GALNT13: variants seen among roughly 807,000 people sequenced by gnomAD.
GALNT13 encodes UDP-GalNAc:polypeptide N-acetylgalactosaminyltransferase 13.
Under a neutral mutation model 64.2 loss-of-function variants are expected in GALNT13, and 28 were observed. That is an observed-to-expected ratio of 0.44 (90% CI 0.32 to 0.60). The LOEUF (loss-of-function observed/expected upper bound fraction) is 0.60. GALNT13 is among the 20% of genes least tolerant of loss of function. The pLI is 0.05. For missense variants in GALNT13, 577 were observed against 669.8 expected (o/e 0.86, Z 1.53); for synonymous variants, 214 against 224.6 (o/e 0.95, Z 0.42).
At chr2:153,660,438 C>T in the GALNT13 span, among the ~76,000 whole-genome samples, 1 of 151,780 alleles carries the variant, frequency 6.6e-6, no homozygotes, top group Non-Finnish European at 1.5e-5. Flanking sequence ...AAATTTTGAG[C>T]AAGGAACTGA....
intron 2 of GALNT13, among the ~76,000 whole-genome samples, chr2:153,923,100 A>G (rs372091621): frequency 5.3e-5 from 8 of 151,850 alleles, no homozygotes; most frequent in Admixed American, 3.3e-4. Flanking sequence ...GGGTTTCACT[A>G]TGTTCACCAG....
chr2:154,201,098 G>T (rs936384822), intron 4 of GALNT13, among the ~76,000 whole-genome samples: 2 of 152,060 alleles, frequency 1.3e-5, no homozygotes, highest in Non-Finnish European at 2.9e-5. Flanking sequence ...CTTTGTATTA[G>T]TTTGTAAGAG....
chr2:154,064,573 A>T (rs562714415), intron 3 of GALNT13, among the ~76,000 whole-genome samples: 1 of 152,216 alleles, frequency 6.6e-6, no homozygotes, highest in East Asian at 1.9e-4. Flanking sequence ...GGGCAGAGTC[A>T]TGATGGTCCC....
chr2:154,305,666 A>G (rs1322893242), intron 9 of GALNT13, among the ~76,000 whole-genome samples: 1 of 152,166 alleles, frequency 6.6e-6, no homozygotes, highest in African/African-American at 2.4e-5. Context: ...ACAATAACTT[A>G]CTTACTTTCA....
At chr2:154,437,496 C>T (rs1701038490) in intron 11 of GALNT13, 12 of 1,229,592 alleles carry the variant, frequency 9.8e-6, no homozygotes, top group Non-Finnish European at 2.1e-6. Flanking sequence ...AAGAAAAACC[C>T]ACAGAATACT....
intron 9 of GALNT13, among the ~76,000 whole-genome samples, chr2:154,385,811 TATG>T (rs1698487287): frequency 6.6e-6 from 1 of 152,004 alleles, no homozygotes; most frequent in Non-Finnish European, 1.5e-5. Context: ...TCTAAATTCT[TATG>T]ATACATGGGA....
At chr2:153,692,809 A>C in the GALNT13 span, among the ~76,000 whole-genome samples, 1 of 152,150 alleles carries the variant, frequency 6.6e-6, no homozygotes, top group Non-Finnish European at 1.5e-5. Context: ...TGTTATTTGA[A>C]AATGAACAGG....
chr2:154,446,254 A>C lies in GALNT13; in HGVS notation c.1531-4157A>C, dbSNP rs115200819. Reference sequence around the variant, plus strand: ...CGCAAATAACTCATCTGGTACTAAAAAGCATTGTATTACTAGGATGAAGGC... The same window carrying C: ...CGCAAATAACTCATCTGGTACTAAACAGCATTGTATTACTAGGATGAAGGC... On this transcript the variant is annotated intron_variant, in intron 12 of 12. Transcript: ENST00000392825. Among the ~76,000 whole-genome samples the C allele has an allele frequency of 9.5e-3, 1,445 of 152,196 alleles. 21 individuals carry two copies. The highest frequency in any genetic ancestry group is 0.033 in the African/African-American group (1,383 of 41,544).
At chr2:153,771,409 G>C in the GALNT13 span, among the ~76,000 whole-genome samples, 2 of 152,050 alleles carry the variant, frequency 1.3e-5, no homozygotes, top group Non-Finnish European at 2.9e-5. Context: ...CCTTTGCATG[G>C]GAAGGAAATG....
chr2:153,456,360 T>G, the GALNT13 span, among the ~76,000 whole-genome samples: 1 of 152,320 alleles, frequency 6.6e-6, no homozygotes, highest in East Asian at 1.9e-4. Flanking sequence ...AATGGGCCCT[T>G]TCTAGGCTTT....
intron 2 of GALNT13, among the ~76,000 whole-genome samples, chr2:153,919,629 T>A (rs1465850861): frequency 6.6e-6 from 1 of 151,930 alleles, no homozygotes; most frequent in East Asian, 1.9e-4. Flanking sequence ...TACTCAAAAA[T>A]TATTTGGGAA....
chr2:153,668,633 C>T, the GALNT13 span, among the ~76,000 whole-genome samples: 1 of 152,096 alleles, frequency 6.6e-6, no homozygotes, highest in South Asian at 2.1e-4. Context: ...GGGAACCAAG[C>T]ACAGGGCTAC....
chr2:154,380,098 A>C (rs1698196021), intron 9 of GALNT13, among the ~76,000 whole-genome samples: 1 of 152,226 alleles, frequency 6.6e-6, no homozygotes, highest in South Asian at 2.1e-4. Flanking sequence ...TTATAACTGA[A>C]CAAAAGGTAT....
chr2:153,539,565 T>C, the GALNT13 span, among the ~76,000 whole-genome samples: 1 of 151,966 alleles, frequency 6.6e-6, no homozygotes, highest in African/African-American at 2.4e-5. Context: ...GAATTGATTT[T>C]TGTATAAAGT....
the GALNT13 span, among the ~76,000 whole-genome samples, chr2:153,814,736 G>A: frequency 1.3e-5 from 2 of 152,134 alleles, no homozygotes; most frequent in South Asian, 4.1e-4. Context: ...TCATTATGAT[G>A]CTCCCTCCAG....
At chr2:154,449,001 G>GA (rs1316292824) in intron 12 of GALNT13, among the ~76,000 whole-genome samples, 2 of 151,820 alleles carry the variant, frequency 1.3e-5, no homozygotes. Flanking sequence ...GAACTGTCTA[G>GA]AAAAAATACA....
chr2:153,873,848 GTC>G (rs752475953), intron 1 of GALNT13, among the ~76,000 whole-genome samples: 4 of 150,750 alleles, frequency 2.7e-5, no homozygotes, highest in East Asian at 1.9e-4. Context: ...CTTTTTCTGT[GTC>G]TCTCTCTCTC....
chr2:154,084,775 A>G (rs1701444772), intron 3 of GALNT13, among the ~76,000 whole-genome samples: 1 of 151,946 alleles, frequency 6.6e-6, no homozygotes, highest in Non-Finnish European at 1.5e-5. Flanking sequence ...TAATTGCTCA[A>G]CATAGGCCAA....
chr2:153,500,343 GCT>G, the GALNT13 span, among the ~76,000 whole-genome samples: 1 of 152,148 alleles, frequency 6.6e-6, no homozygotes, highest in Non-Finnish European at 1.5e-5. Context: ...GGTAAGGACA[GCT>G]CAAAAGTCCT....
Sources: gnomAD v4.1 joint callset for allele counts (sites outside exome capture counted in the v4.1 genomes callset) on GRCh38, gnomAD v4.1.1 for gene constraint, MANE v1.5 for transcripts, NCBI Gene and HGNC (gene_info 2026-07-23, HGNC 2026-07-21) for gene names.